The following ENPP3 variants were observed in gnomAD, a reference collection of about 807,000 sequenced individuals.
ENPP3 encodes ectonucleotide pyrophosphatase/phosphodiesterase 3, also known as ectonucleotide pyrophosphatase/phosphodiesterase family member 3.
In ENPP3, 104 loss-of-function variants were observed where a neutral mutation model predicts 117.8. That is an observed-to-expected ratio of 0.88 (90% CI 0.75 to 1.04). The LOEUF is 1.04. Ranked by LOEUF, ENPP3 falls within the 50% of genes least tolerant of loss-of-function variation. ENPP3 has a pLI of 0.00. For missense variants in ENPP3, 1,026 were observed against 1,051.9 expected (o/e 0.98, Z 0.34); for synonymous variants, 380 against 349.9 (o/e 1.09, Z -0.96).
intron 5 of ENPP3, 45 bp from the exon 6 acceptor site, chr6:131,658,278 T>C (rs1428876979): frequency 2.0e-6 from 2 of 1,002,540 alleles, no homozygotes; most frequent in East Asian, 2.4e-5. Flanking sequence ...TTGAGGTAAA[T>C]GTAGCTATCC....
chr6:131,670,362 T>A (rs1778712387), intron 6 of ENPP3, among the ~76,000 whole-genome samples: 1 of 152,254 alleles, frequency 6.6e-6, no homozygotes, highest in Non-Finnish European at 1.5e-5. Flanking sequence ...CAGTGTATAA[T>A]ATAGAGTACA....
intron 15 of ENPP3, among the ~76,000 whole-genome samples, chr6:131,714,970 A>G (rs1585707025): frequency 6.9e-6 from 1 of 144,952 alleles, no homozygotes; most frequent in East Asian, 2.1e-4. Context: ...CTCAGAGACT[A>G]TCCTTGCACA....
chr6:131,675,781 G>C (rs1263126482), intron 9 of ENPP3, among the ~76,000 whole-genome samples: 1 of 152,196 alleles, frequency 6.6e-6, no homozygotes, highest in Admixed American at 6.5e-5. Flanking sequence ...GTTGCAGTGA[G>C]CTGAGATCAG....
intron 6 of ENPP3, among the ~76,000 whole-genome samples, chr6:131,667,895 A>T (rs1476525629): frequency 6.6e-6 from 1 of 152,102 alleles, no homozygotes; most frequent in Non-Finnish European, 1.5e-5. Context: ...CTTCTTCTTT[A>T]TGTGCCAAGG....
At chr6:131,679,511 T>C (rs1435610752) in intron 11 of ENPP3, among the ~76,000 whole-genome samples, 1 of 127,706 alleles carries the variant, frequency 7.8e-6, no homozygotes, top group African/African-American at 4.3e-5. Context: ...ACCATGTCCT[T>C]TTTTTTTTTT....
intron 3 of ENPP3, among the ~76,000 whole-genome samples, chr6:131,651,333 T>A (rs748744294): frequency 1.3e-5 from 2 of 152,170 alleles, no homozygotes; most frequent in Admixed American, 6.5e-5. Context: ...CTATACACAG[T>A]CTTATTATCA....
At chr6:131,658,557 G>T (rs1258791202) in intron 6 of ENPP3, 137 bp downstream of exon 6, 1 of 560,472 alleles carries the variant, frequency 1.8e-6, no homozygotes, top group Non-Finnish European at 3.1e-6. Context: ...TTACCACATG[G>T]TTTCTACTTT....
chr6:131,718,146 C>T (rs1214373879), intron 15 of ENPP3, among the ~76,000 whole-genome samples: 2 of 152,204 alleles, frequency 1.3e-5, no homozygotes, highest in African/African-American at 4.8e-5. Context: ...CCTGCCTATT[C>T]TTTATTCATG....
rs60304793 is a variant in ENPP3, at chr6:131,678,907, C to CTCTTTCTTTCTTTCTTTCTTTCTT, written c.1011+998_1011+1021dup. Among the ~76,000 whole-genome samples the CTCTTTCTTTCTTTCTTTCTTTCTT allele has an allele frequency of 1.1e-3, 78 of 71,752 alleles. 2 individuals carry two copies. The highest frequency in any genetic ancestry group is 3.0e-3 in the East Asian group (8 of 2,628). The allele number at this position is 71,752 out of a possible 152,430, so 47.1% of individuals were successfully genotyped here. On this transcript the variant is annotated intron_variant, in intron 11 of 24. Transcript: ENST00000357639. The stretch of plus-strand genomic sequence containing the variant: ...CCTTCTTTTCCCTTTCTTTCTTTCT[C>CTCTTTCTTTCTTTCTTTCTTTCTT]TCTTTCTTTCTTTCTTTCTTTCTTT...
intron 21 of ENPP3, among the ~76,000 whole-genome samples, chr6:131,736,763 C>G (rs977670287): frequency 2.0e-5 from 3 of 152,144 alleles, no homozygotes; most frequent in African/African-American, 7.2e-5. Context: ...GCTGCTGGAA[C>G]AAATTACCAA....
At chr6:131,737,464 A>G in intron 22 of ENPP3, 32 bp downstream of exon 22, 1 of 1,243,346 alleles carries the variant, frequency 8.0e-7, no homozygotes, top group Non-Finnish European at 1.2e-6. Context: ...TAATTTTAAA[A>G]TAGTTAAGTG....
chr6:131,735,904 A>G (rs1480135076), intron 21 of ENPP3, among the ~76,000 whole-genome samples: 4 of 152,192 alleles, frequency 2.6e-5, no homozygotes, highest in Non-Finnish European at 5.9e-5. Flanking sequence ...TCTGTACAGT[A>G]TTGTACGTAG....
intron 6 of ENPP3, among the ~76,000 whole-genome samples, chr6:131,667,882 AC>A (rs1379846805): frequency 6.6e-6 from 1 of 151,932 alleles, no homozygotes; most frequent in Non-Finnish European, 1.5e-5. Flanking sequence ...CTCTCTTTTG[AC>A]CCTTCTTCTT....
intron 15 of ENPP3, among the ~76,000 whole-genome samples, chr6:131,704,525 TCTGTAAAAGCACAGGGCCAGCTC>T (rs1214788658): frequency 7.9e-5 from 12 of 151,922 alleles, no homozygotes; most frequent in Non-Finnish European, 1.5e-4. Context: ...AGGATAAAGC[TCTGTAAAAGCACAGGGCCAGCTC>T]CTGTTTTCTG....
At chr6:131,667,536 C>G (rs1778643365) in intron 6 of ENPP3, among the ~76,000 whole-genome samples, 1 of 152,150 alleles carries the variant, frequency 6.6e-6, no homozygotes, top group African/African-American at 2.4e-5. Flanking sequence ...GAGTTAGAAG[C>G]CAATTTCTCA....
intron 6 of ENPP3, among the ~76,000 whole-genome samples, chr6:131,667,274 G>A (rs1424245826): frequency 2.6e-5 from 4 of 151,834 alleles, no homozygotes; most frequent in South Asian, 4.2e-4. Context: ...TTCCATTAGC[G>A]CTCCAATACA....
At chr6:131,718,560 T>TA (rs994895165) in intron 15 of ENPP3, 112 bp from the exon 16 acceptor site, 5 of 468,932 alleles carry the variant, frequency 1.1e-5, no homozygotes, top group African/African-American at 2.0e-5. Context: ...CTGTTGTTGA[T>TA]AAAAAAATTT....
chr6:131,695,418 A>T (rs1346900405), intron 15 of ENPP3, among the ~76,000 whole-genome samples: 2 of 152,194 alleles, frequency 1.3e-5, no homozygotes, highest in Non-Finnish European at 2.9e-5. Flanking sequence ...TGTTAAAAGA[A>T]CTGCAACCCA....
chr6:131,650,409 G>A (rs1183129732), intron 3 of ENPP3, among the ~76,000 whole-genome samples: 1 of 152,022 alleles, frequency 6.6e-6, no homozygotes, highest in Non-Finnish European at 1.5e-5. Flanking sequence ...TTTTTGTAGA[G>A]ACAGAGTCTC....
Sources: gnomAD v4.1 joint callset for allele counts (sites outside exome capture counted in the v4.1 genomes callset) on GRCh38, gnomAD v4.1.1 for gene constraint, MANE v1.5 for transcripts, NCBI Gene and HGNC (gene_info 2026-07-23, HGNC 2026-07-21) for gene names.